The following FAM13A variants were observed in gnomAD, a reference collection of about 807,000 sequenced individuals.
The protein encoded by FAM13A is protein FAM13A.
In FAM13A, 76 loss-of-function variants were observed where a neutral mutation model predicts 129.6. The observed-to-expected ratio is 0.59, with a 90% CI of 0.49 to 0.71. The LOEUF is 0.71. Among genes scored for constraint, FAM13A ranks in the 30% least tolerant of loss-of-function variants. FAM13A has a pLI of 0.00. For synonymous variants in FAM13A, 443 were observed against 449.9 expected, an observed-to-expected ratio of 0.98 and a Z score of 0.20; for missense variants, 1,108 against 1,249.3, an observed-to-expected ratio of 0.89 and a Z score of 1.70.
At chr4:88,877,954 A>G (rs1742842432) in intron 6 of FAM13A, among the ~76,000 whole-genome samples, 1 of 152,092 alleles carries the variant, frequency 6.6e-6, no homozygotes, top group Non-Finnish European at 1.5e-5. Flanking sequence ...ATTTTCTGAC[A>G]CACTCCCTCC....
intron 4 of FAM13A, among the ~76,000 whole-genome samples, chr4:88,944,819 C>A (rs1231349755): frequency 2.6e-5 from 4 of 151,786 alleles, no homozygotes; most frequent in African/African-American, 9.7e-5. Context: ...AGAACAACTG[C>A]TTGAACCCAG....
At chr4:88,784,970 T>C (rs1042056493) in intron 10 of FAM13A, among the ~76,000 whole-genome samples, 2 of 152,184 alleles carry the variant, frequency 1.3e-5, no homozygotes, top group African/African-American at 4.8e-5. Context: ...AATATAGGTC[T>C]GATTATATTT....
intron 11 of FAM13A, among the ~76,000 whole-genome samples, chr4:88,778,232 G>T (rs1439203537): frequency 1.3e-5 from 2 of 152,176 alleles, no homozygotes; most frequent in Non-Finnish European, 2.9e-5. Context: ...CTAATGGGCA[G>T]CTCAGTCTTT....
chr4:88,964,638 T>A (rs1759103136), intron 4 of FAM13A, among the ~76,000 whole-genome samples: 1 of 151,310 alleles, frequency 6.6e-6, no homozygotes, highest in Non-Finnish European at 1.5e-5. Context: ...CTGCTCTTTT[T>A]TTTTTTTTTT....
At chr4:88,734,845 TC>T (rs1738654736) in intron 21 of FAM13A, among the ~76,000 whole-genome samples, 1 of 152,168 alleles carries the variant, frequency 6.6e-6, no homozygotes, top group South Asian at 2.1e-4. Context: ...CAAAATGAAT[TC>T]CCAATACCTT....
chr4:88,844,935 CTAGTTA>C (rs1447161192), intron 7 of FAM13A, among the ~76,000 whole-genome samples: 2 of 152,016 alleles, frequency 1.3e-5, no homozygotes, highest in Non-Finnish European at 2.9e-5. Flanking sequence ...GACAAGTCTG[CTAGTTA>C]GAGTGACATG....
chr4:88,787,930 AGTCTGGC>A lies in FAM13A; in HGVS notation c.1092-5_1093del, dbSNP rs1553979201. 5.0e-6 allele frequency: 8 copies of A among 1,611,472 alleles called. No homozygotes were observed. The highest frequency in any genetic ancestry group is 3.4e-5 in the Admixed American group (2 of 59,620). ...AGCTGATCGGATGGTTCTTTCTAAG[AGTCTGGC>A]AAAAAAGAATGCAGAGTCATTCAAG... On this transcript the variant is annotated splice_acceptor_variant and splice_polypyrimidine_tract_variant and coding_sequence_variant and intron_variant, in exon 10 of 24. Coordinates refer to ENST00000264344, the MANE Select transcript of FAM13A (RefSeq NM_014883.4). LOFTEE classifies it high-confidence loss of function.
chr4:88,799,376 T>C (rs1001273079), intron 8 of FAM13A, among the ~76,000 whole-genome samples: 1 of 152,158 alleles, frequency 6.6e-6, no homozygotes, highest in African/African-American at 2.4e-5. Flanking sequence ...TGGAACTGTG[T>C]ACTTTACCTG....
At chr4:89,033,889 G>A (rs1216850814) in intron 1 of FAM13A, among the ~76,000 whole-genome samples, 1 of 152,174 alleles carries the variant, frequency 6.6e-6, no homozygotes. Context: ...GCAGAATAAT[G>A]AAACTGGACC....
At chr4:88,880,656 G>C (rs943276456) in intron 6 of FAM13A, among the ~76,000 whole-genome samples, 1 of 152,092 alleles carries the variant, frequency 6.6e-6, no homozygotes, top group Non-Finnish European at 1.5e-5. Context: ...AGGTGGGGAG[G>C]TGCAAACCAT....
At chr4:88,795,113 T>C (rs898550789) in intron 8 of FAM13A, among the ~76,000 whole-genome samples, 3 of 151,802 alleles carry the variant, frequency 2.0e-5, no homozygotes, top group African/African-American at 4.8e-5. Flanking sequence ...TAAACTCTGA[T>C]AAAAGTTGCA....
intron 23 of FAM13A, among the ~76,000 whole-genome samples, chr4:88,730,953 T>C (rs1166826103): frequency 6.6e-6 from 1 of 152,164 alleles, no homozygotes; most frequent in Non-Finnish European, 1.5e-5. Flanking sequence ...GGTGTGCCAC[T>C]ACGGCCGCTT....
intron 4 of FAM13A, among the ~76,000 whole-genome samples, chr4:88,950,666 A>T (rs1368921690): frequency 3.9e-5 from 6 of 152,226 alleles, no homozygotes. Context: ...TCTTGAAGAT[A>T]GATGTATACT....
At chr4:88,886,055 T>C (rs1744358917) in intron 6 of FAM13A, among the ~76,000 whole-genome samples, 1 of 152,106 alleles carries the variant, frequency 6.6e-6, no homozygotes, top group African/African-American at 2.4e-5. Flanking sequence ...GGAACACTTT[T>C]ACACTGCTGG....
intron 1 of FAM13A, among the ~76,000 whole-genome samples, chr4:89,051,459 T>C (rs930270034): frequency 7.2e-5 from 11 of 152,164 alleles, no homozygotes; most frequent in African/African-American, 2.7e-4. Flanking sequence ...GGTACAAACA[T>C]TTACTCTATG....
intron 6 of FAM13A, among the ~76,000 whole-genome samples, chr4:88,867,828 T>C (rs1004666982): frequency 2.0e-5 from 3 of 152,190 alleles, no homozygotes; most frequent in Admixed American, 1.3e-4. Flanking sequence ...ATACCAACTT[T>C]AGGATATGGG....
intron 13 of FAM13A, among the ~76,000 whole-genome samples, chr4:88,765,296 A>G (rs1036496567): frequency 6.6e-6 from 1 of 152,222 alleles, no homozygotes; most frequent in Admixed American, 6.5e-5. Flanking sequence ...TTAAATGAAA[A>G]TATCAATAAG....
At chr4:88,909,264 A>G (rs1215632565) in intron 5 of FAM13A, among the ~76,000 whole-genome samples, 1 of 152,178 alleles carries the variant, frequency 6.6e-6, no homozygotes, top group Non-Finnish European at 1.5e-5. Flanking sequence ...CTTCGGCTAT[A>G]AAAAGGAATA....
intron 4 of FAM13A, among the ~76,000 whole-genome samples, chr4:88,969,597 C>T (rs1045679099): frequency 1.3e-5 from 2 of 152,230 alleles, no homozygotes; most frequent in Non-Finnish European, 2.9e-5. Flanking sequence ...ACATGCCAAG[C>T]TTATCCTCAT....
Sources: gnomAD v4.1 joint callset for allele counts (sites outside exome capture counted in the v4.1 genomes callset) on GRCh38, gnomAD v4.1.1 for gene constraint, MANE v1.5 for transcripts, NCBI Gene and HGNC (gene_info 2026-07-23, HGNC 2026-07-21) for gene names.